PTPRD: variants seen among roughly 807,000 people sequenced by gnomAD.
PTPRD encodes protein tyrosine phosphatase receptor type D, also known as receptor-type tyrosine-protein phosphatase delta.
Under a neutral mutation model 214.5 loss-of-function variants are expected in PTPRD, and 34 were observed. The ratio of observed to expected loss-of-function variants is 0.16; its 90% CI spans 0.12 to 0.21. The LOEUF (loss-of-function observed/expected upper bound fraction) is 0.21, where lower values mean the gene tolerates loss of function less well. Ranked by LOEUF, PTPRD falls within the 10% of genes least tolerant of loss-of-function variation. PTPRD has a pLI of 1.00. For synonymous variants in PTPRD, 1,128 were observed against 845.7 expected, an observed-to-expected ratio of 1.33 and a Z score of -5.79; for missense variants, 2,545 against 2,398.7, an observed-to-expected ratio of 1.06 and a Z score of -1.27.
chr9:9,938,148 G>C (rs1169167581), intron 5 of PTPRD, among the ~76,000 whole-genome samples: 1 of 152,082 alleles, frequency 6.6e-6, no homozygotes, highest in African/African-American at 2.4e-5. Flanking sequence ...CAGTTGAAAT[G>C]CTTAATGATA....
chr9:9,266,116 G>C (rs1594820886), intron 9 of PTPRD, among the ~76,000 whole-genome samples: 1 of 151,420 alleles, frequency 6.6e-6, no homozygotes, highest in African/African-American at 2.4e-5. Flanking sequence ...TAGACTTTAA[G>C]TCAAAAATTG....
At chr9:9,209,124 A>G (rs1192187254) in intron 9 of PTPRD, among the ~76,000 whole-genome samples, 1 of 152,152 alleles carries the variant, frequency 6.6e-6, no homozygotes, top group Admixed American at 6.5e-5. Flanking sequence ...ATAACTCCTG[A>G]AAGAATATAC....
chr9:8,757,521 A>G (rs1278482275), intron 11 of PTPRD, among the ~76,000 whole-genome samples: 1 of 151,862 alleles, frequency 6.6e-6, no homozygotes, highest in Admixed American at 6.6e-5. Flanking sequence ...GGAGACCTTC[A>G]ACACCGGCTG....
intron 14 of PTPRD, among the ~76,000 whole-genome samples, chr9:8,535,571 C>T (rs1377993237): frequency 6.6e-6 from 1 of 151,762 alleles, no homozygotes; most frequent in Non-Finnish European, 1.5e-5. Flanking sequence ...ACTGTTTTTC[C>T]CTATATCATG....
chr9:9,026,869 C>G (rs1478425881), intron 10 of PTPRD, among the ~76,000 whole-genome samples: 1 of 151,828 alleles, frequency 6.6e-6, no homozygotes, highest in East Asian at 1.9e-4. Context: ...CTCTCCTACT[C>G]CGACATTTTA....
At chr9:8,793,148 G>A (rs1383952933) in intron 11 of PTPRD, among the ~76,000 whole-genome samples, 2 of 152,148 alleles carry the variant, frequency 1.3e-5, no homozygotes, top group African/African-American at 4.8e-5. Flanking sequence ...ATTGTCTGTA[G>A]CCCTGTCATT....
At chr9:10,457,484 G>C (rs1473145878) in intron 2 of PTPRD, among the ~76,000 whole-genome samples, 1 of 152,076 alleles carries the variant, frequency 6.6e-6, no homozygotes, top group South Asian at 2.1e-4. Context: ...TAGTAGTGTA[G>C]CATTCCATTT....
intron 9 of PTPRD, among the ~76,000 whole-genome samples, chr9:9,343,804 A>T (rs12001199): frequency 0.011 from 1,609 of 152,230 alleles, 22 homozygotes; most frequent in African/African-American, 0.036. Flanking sequence ...AATAGCAATG[A>T]AATGAAAGTG....
At chr9:10,398,959 C>T (rs185555283) in intron 2 of PTPRD, among the ~76,000 whole-genome samples, 1 of 152,018 alleles carries the variant, frequency 6.6e-6, no homozygotes, top group East Asian at 2.0e-4. Flanking sequence ...TGATTATCTC[C>T]AACATGGGAA....
chr9:9,550,868 A>G (rs1233527665), intron 8 of PTPRD, among the ~76,000 whole-genome samples: 2 of 151,994 alleles, frequency 1.3e-5, no homozygotes, highest in African/African-American at 4.8e-5. Flanking sequence ...ATTAGCCATC[A>G]ATGTAAATTA....
At chr9:8,940,745 A>G (rs2099028497) in intron 11 of PTPRD, among the ~76,000 whole-genome samples, 1 of 152,076 alleles carries the variant, frequency 6.6e-6, no homozygotes, top group Admixed American at 6.6e-5. Flanking sequence ...TCTCTGAAAT[A>G]CATTTGACTT....
rs537296622 is a variant in PTPRD at position 9,915,137 on chromosome 9, T to C, written c.-368+23370A>G. Among the ~76,000 whole-genome samples, 354 of 152,274 alleles carry C rather than the reference T, an allele frequency of 2.3e-3. 3 individuals are homozygous for C. Among genetic ancestry groups the C allele is most frequent in the African/African-American group, 8.0e-3 (332 of 41,566 alleles). ...ATGCCTTTAGCATGGGTTAGAGCTG[T>C]AGAAACGACATGGAGACAACACAAA... is the stretch of plus-strand genomic sequence containing the variant. On this transcript the variant is annotated intron_variant, in intron 5 of 45. Coordinates refer to ENST00000381196, the MANE Select transcript of PTPRD (RefSeq NM_002839.4).
intron 2 of PTPRD, among the ~76,000 whole-genome samples, chr9:10,442,435 A>G (rs147573237): frequency 2.0e-5 from 3 of 151,712 alleles, no homozygotes; most frequent in East Asian, 1.9e-4. Context: ...ACCTATAAGA[A>G]TAAGTTTGAT....
chr9:9,766,274 T>C (rs2098706337), intron 6 of PTPRD, among the ~76,000 whole-genome samples: 1 of 152,202 alleles, frequency 6.6e-6, no homozygotes, highest in African/African-American at 2.4e-5. Context: ...AGGCATTGTG[T>C]ATTAACCTTG....
chr9:9,751,773 C>G (rs2098522570), intron 6 of PTPRD, among the ~76,000 whole-genome samples: 1 of 152,064 alleles, frequency 6.6e-6, no homozygotes, highest in Non-Finnish European at 1.5e-5. Context: ...ATCTCCAGAG[C>G]TATGAAATAA....
chr9:9,986,795 T>C (rs2095727488), intron 4 of PTPRD, among the ~76,000 whole-genome samples: 1 of 152,112 alleles, frequency 6.6e-6, no homozygotes, highest in Admixed American at 6.5e-5. Flanking sequence ...GATATAGAGT[T>C]TCAATAATAC....
chr9:9,754,189 C>T (rs975795544), intron 6 of PTPRD, among the ~76,000 whole-genome samples: 9 of 152,128 alleles, frequency 5.9e-5, no homozygotes, highest in African/African-American at 2.2e-4. Context: ...GACAAGGGAA[C>T]TGGAGGAATG....
chr9:8,662,680 C>T (rs1402770057), intron 12 of PTPRD, among the ~76,000 whole-genome samples: 1 of 152,176 alleles, frequency 6.6e-6, no homozygotes, highest in Non-Finnish European at 1.5e-5. Flanking sequence ...CTCCCTACTG[C>T]CTTTCCCTCA....
In PTPRD at chr9:10,025,917, A is replaced by C. The variant is rs182379334; in HGVS notation, c.-472+7801T>G. On this transcript the variant is annotated intron_variant, in intron 4 of 45. Coordinates refer to ENST00000381196, the MANE Select transcript of PTPRD (RefSeq NM_002839.4). Reference sequence around the variant, plus strand: ...AATATAAAGGGTAAGAAAAGATCCTAACCAAAGGAAGACCAGGCAGGCATG... The same window carrying C: ...AATATAAAGGGTAAGAAAAGATCCTCACCAAAGGAAGACCAGGCAGGCATG... 1.0e-3 allele frequency among the ~76,000 whole-genome samples: 157 copies of C among 152,350 alleles called. 1 individual carries two copies. Among genetic ancestry groups the C allele is most frequent in the Middle Eastern group, 0.01 (3 of 294 alleles).
Sources: allele counts gnomAD v4.1 joint callset (sites outside exome capture counted in the v4.1 genomes callset), GRCh38; gene constraint gnomAD v4.1.1; transcripts MANE v1.5; gene names NCBI Gene and HGNC (gene_info 2026-07-23, HGNC 2026-07-21).